Variants in WDR72 observed in about 807,000 individuals in gnomAD.
The protein encoded by WDR72 is WD repeat domain 72.
Under a neutral mutation model 124.2 loss-of-function variants are expected in WDR72, and 120 were observed. The ratio of observed to expected loss-of-function variants is 0.97; its 90% CI spans 0.83 to 1.12. The LOEUF (loss-of-function observed/expected upper bound fraction) is 1.12. Ranked by LOEUF, WDR72 falls within the 50% of genes most tolerant of loss-of-function variation. The pLI is 0.00. For missense variants in WDR72, 1,387 were observed against 1,278.8 expected (o/e 1.08, Z -1.29); for synonymous variants, 452 against 441.7 (o/e 1.02, Z -0.29).
chr15:53,639,675 T>C (rs1166651416), intron 14 of WDR72, among the ~76,000 whole-genome samples: 1 of 151,932 alleles, frequency 6.6e-6, no homozygotes, highest in Non-Finnish European at 1.5e-5. Flanking sequence ...CTGCTATTAA[T>C]AGTTAATATT....
intron 18 of WDR72, among the ~76,000 whole-genome samples, chr15:53,579,442 A>T (rs1375506823): frequency 6.6e-6 from 1 of 152,138 alleles, no homozygotes; most frequent in Admixed American, 6.6e-5. Flanking sequence ...ACAGGAATGC[A>T]AACTGCTTTC....
chr15:53,614,249 A>G (rs1289485731), intron 15 of WDR72, among the ~76,000 whole-genome samples: 3 of 152,060 alleles, frequency 2.0e-5, no homozygotes, highest in Non-Finnish European at 4.4e-5. Context: ...TGTTGCCTTA[A>G]AATATAGTTA....
intron 13 of WDR72, among the ~76,000 whole-genome samples, chr15:53,681,027 C>T (rs1029788104): frequency 1.3e-5 from 2 of 152,356 alleles, no homozygotes; most frequent in Admixed American, 1.3e-4. Context: ...AATTTGTTTT[C>T]ATCTAGTTCA....
intron 18 of WDR72, among the ~76,000 whole-genome samples, chr15:53,558,475 A>G (rs571138913): frequency 6.6e-6 from 1 of 152,106 alleles, no homozygotes; most frequent in African/African-American, 2.4e-5. Flanking sequence ...AACTTCATTA[A>G]ATATTACTCC....
intron 17 of WDR72, among the ~76,000 whole-genome samples, chr15:53,599,916 C>T (rs4643263): frequency 0.29 from 44,150 of 151,722 alleles, 7,715 homozygotes; most frequent in Middle Eastern, 0.55. Flanking sequence ...AATAATGATA[C>T]GAATATCATC....
chr15:53,613,937 A>G (rs539746868), intron 15 of WDR72, among the ~76,000 whole-genome samples, 180 bp from the exon 16 acceptor site: 2 of 141,722 alleles, frequency 1.4e-5, no homozygotes, highest in African/African-American at 5.3e-5. Context: ...CTTTGCTCCC[A>G]CCTAAAATCT....
chr15:53,652,745 G>A lies in WDR72; in HGVS notation c.1962+12827C>T, dbSNP rs543664090. The stretch of plus-strand genomic sequence containing the variant: ...GTCTAAGATTTAAGGGCAAGTAAAT[G>A]GGGTAATAATATGCACTGTGTTGGT... On this transcript the variant is annotated intron_variant, in intron 14 of 19. Transcript: ENST00000360509. Among the ~76,000 whole-genome samples, 6 of 152,240 alleles carry A rather than the reference G, an allele frequency of 3.9e-5. No homozygotes were observed. In the South Asian group the frequency reaches 1.0e-3, roughly 26 times the overall value.
rs573001252 is a variant in WDR72, at chr15:53,634,537, A to G, written c.1963-18294T>C. 9.8e-5 allele frequency among the ~76,000 whole-genome samples: 15 copies of G among 152,352 alleles called. No individual in the cohort carries two copies. The South Asian group carries it at 3.1e-3, about 32-fold the overall frequency. On this transcript the variant is annotated intron_variant, in intron 14 of 19. Transcript: ENST00000360509. ...AACTTACAACATTTTAAGAAAGTCT[A>G]CAAATTTGTTTTGGGCCCCATTCAA...
At chr15:53,729,892 C>G (rs1219983370) in intron 2 of WDR72, among the ~76,000 whole-genome samples, 1 of 152,042 alleles carries the variant, frequency 6.6e-6, no homozygotes, top group Non-Finnish European at 1.5e-5. Context: ...GTGCAGCCAC[C>G]ATAGGAGTGC....
At chr15:53,753,966 C>G (rs992088533) in intron 1 of WDR72, among the ~76,000 whole-genome samples, 1 of 152,172 alleles carries the variant, frequency 6.6e-6, no homozygotes, top group African/African-American at 2.4e-5. Context: ...CATACCACTT[C>G]TTAAAGGCCT....
Position 53,514,591 on chromosome 15 carries a change from T to G in WDR72, c.*3108A>C. The G allele has an allele frequency of 6.6e-6, 1 of 152,262 alleles. No homozygotes were observed. Among genetic ancestry groups the G allele is most frequent in the Middle Eastern group, 3.4e-3 (1 of 294 alleles). 9.4% of individuals were successfully genotyped at this position (152,262 alleles called of 1,614,324 possible). Reference sequence around the variant, plus strand: ...ATCATCTAAAGATAGAATATTAATATTTAACAAACTGTATTCTACCATTTT... The same window carrying G: ...ATCATCTAAAGATAGAATATTAATAGTTAACAAACTGTATTCTACCATTTT... On this transcript the variant is annotated 3_prime_UTR_variant, in exon 20 of 20. Coordinates refer to ENST00000360509, the MANE Select transcript of WDR72 (RefSeq NM_182758.4).
intron 13 of WDR72, among the ~76,000 whole-genome samples, chr15:53,683,470 A>C (rs1462198379): frequency 2.0e-5 from 3 of 152,146 alleles, no homozygotes; most frequent in Non-Finnish European, 4.4e-5. Flanking sequence ...GTAAAATCTT[A>C]TGTATCCATA....
At chr15:53,611,497 AAAC>A (rs537782022) in intron 16 of WDR72, among the ~76,000 whole-genome samples, 260 of 152,162 alleles carry the variant, frequency 1.7e-3, no homozygotes, top group African/African-American at 6.0e-3. Context: ...ACAAACAAAC[AAAC>A]AACAACAACA....
At chr15:53,527,305 G>C (rs12916758) in intron 18 of WDR72, among the ~76,000 whole-genome samples, 131,906 of 152,068 alleles carry the variant, frequency 0.87, 57,271 homozygotes, top group East Asian at 0.92. Flanking sequence ...TAAAAATTCC[G>C]TTCTTCCTTT....
chr15:53,657,263 CAAAAAAAAAAAAA>C (rs10549551), intron 14 of WDR72, among the ~76,000 whole-genome samples: 1 of 56,400 alleles, frequency 1.8e-5, no homozygotes, highest in East Asian at 7.3e-4. Flanking sequence ...GACTCCATCT[CAAAAAAAAAAAAA>C]AAAAAAAAAA....
chr15:53,689,088 GT>G (rs2016747709), intron 13 of WDR72, among the ~76,000 whole-genome samples: 1 of 152,142 alleles, frequency 6.6e-6, no homozygotes, highest in African/African-American at 2.4e-5. Flanking sequence ...AGACTTAAAC[GT>G]TAAACCTAAA....
chr15:53,623,479 TTA>T (rs139646158), intron 14 of WDR72, among the ~76,000 whole-genome samples: 66 of 149,314 alleles, frequency 4.4e-4, no homozygotes, highest in East Asian at 3.3e-3. Context: ...TAGCATTATA[TTA>T]TATATATATA....
At chr15:53,740,089 T>C (rs2018466909) in intron 1 of WDR72, among the ~76,000 whole-genome samples, 1 of 152,156 alleles carries the variant, frequency 6.6e-6, no homozygotes, top group South Asian at 2.1e-4. Context: ...GAAAATTAGC[T>C]TCTCTTACTT....
At position 53,716,020 on chromosome 15, in the gene WDR72, AT is replaced by A. The variant is rs1357981882; in HGVS notation, c.339+586del. Among the ~76,000 whole-genome samples, 3 of 152,352 alleles carry A rather than the reference AT, an allele frequency of 2.0e-5. No individual in the cohort carries two copies. The East Asian group carries it at 5.8e-4, about 29-fold the overall frequency. ...GTGCAGGGTTTTATTTCCAAAAAAAATAGAAGAGAGTTCATGAATGTTACAA... is the reference window on the plus strand; with the variant it reads ...GTGCAGGGTTTTATTTCCAAAAAAAAAGAAGAGAGTTCATGAATGTTACAA... On this transcript the variant is annotated intron_variant, in intron 4 of 19. Coordinates refer to ENST00000360509, the MANE Select transcript of WDR72 (RefSeq NM_182758.4).
Sources: gnomAD v4.1 joint callset for allele counts (sites outside exome capture counted in the v4.1 genomes callset) on GRCh38, gnomAD v4.1.1 for gene constraint, MANE v1.5 for transcripts, NCBI Gene and HGNC (gene_info 2026-07-23, HGNC 2026-07-21) for gene names.